The following NME4 variants were observed in gnomAD, a reference collection of about 807,000 sequenced individuals.
The protein encoded by NME4 is nucleoside diphosphate kinase D, mitochondrial.
Under a neutral mutation model 16.4 loss-of-function variants are expected in NME4, and 21 were observed. The observed-to-expected ratio is 1.28, with a 90% CI of 0.91 to 1.84. NME4 has a LOEUF of 1.84. Among genes scored for constraint, NME4 ranks in the 40% most tolerant of loss-of-function variants. NME4 has a pLI of 0.00. For missense variants in NME4, 316 were observed against 261.3 expected, an observed-to-expected ratio of 1.21 and a Z score of -1.44; for synonymous variants, 132 against 107.5, an observed-to-expected ratio of 1.23 and a Z score of -1.41.
chr16:397,860 A>T (rs2054580168), intron 1 of NME4: 2 of 1,552,466 alleles, frequency 1.3e-6, no homozygotes, highest in East Asian at 4.8e-5. Flanking sequence ...GCCACCTCAC[A>T]GGACGATCCA....
intron 1 of NME4, among the ~76,000 whole-genome samples, 183 bp downstream of exon 1, chr16:397,496 C>A (rs991480793): frequency 4.4e-5 from 6 of 137,208 alleles, no homozygotes; most frequent in African/African-American, 1.6e-4. Context: ...CTCCAGTGCC[C>A]GTCCGGCTCT....
At chr16:398,935 C>A (rs552397870) in intron 1 of NME4, 55 bp from the exon 2 acceptor site, 11 of 1,599,472 alleles carry the variant, frequency 6.9e-6, no homozygotes, top group South Asian at 1.1e-5. Flanking sequence ...AAACCCGGGT[C>A]GTGGGGACGT....
chr16:397,398 C>A, intron 1 of NME4, 85 bp downstream of exon 1: 1 of 501,050 alleles, frequency 2.0e-6, no homozygotes, highest in Non-Finnish European at 2.6e-6. Flanking sequence ...CACGTGCGGG[C>A]TGGGGTCCGA....
At position 398,307 on chromosome 16, in the gene NME4, C is replaced by G. The variant is rs191308543; in HGVS notation, c.92-683C>G. 8 of 1,340,284 alleles carry G rather than the reference C, an allele frequency of 6.0e-6. No homozygotes were observed. In the East Asian group the frequency reaches 3.3e-4, roughly 55 times the overall value. The allele number at this position is 1,340,284 out of a possible 1,614,324, so 83.0% of individuals were successfully genotyped here. On this transcript the variant is annotated intron_variant, in intron 1 of 4. Coordinates refer to ENST00000219479, the MANE Select transcript of NME4 (RefSeq NM_005009.3). ...CTCCACAGCAGCACAGGCCCCGTCT[C>G]CTGGCTCGGACAGAACCCTGCTACC...
chr16:400,407 C>G lies in NME4; in HGVS notation c.*65C>G. ...CCAACTACCTCCGTCAGCAAGAACC[C>G]AAGCCCACATCCAAACCTGCCTGTC... On this transcript the variant is annotated 3_prime_UTR_variant, in exon 5 of 5. Coordinates refer to ENST00000219479, the MANE Select transcript of NME4 (RefSeq NM_005009.3). The G allele has an allele frequency of 6.4e-7, 1 of 1,557,780 alleles. No homozygotes were observed. Among genetic ancestry groups the G allele is most frequent in the Non-Finnish European group, 8.6e-7 (1 of 1,162,734 alleles).
rs1484450237 is a variant in NME4, at chr16:397,946, C to A, written c.91+633C>A. ...TGCCCGCACCAGCCGCAGCAGAGCC[C>A]CAGGCTACACAAGGCGCCCTGCAAA... is the stretch of plus-strand genomic sequence containing the variant. On this transcript the variant is annotated intron_variant, in intron 1 of 4. Transcript: ENST00000219479. 3.2e-6 allele frequency: 5 copies of A among 1,548,704 alleles called. No individual in the cohort carries two copies. In the South Asian group the frequency reaches 4.7e-5, roughly 15 times the overall value.
At position 398,065 on chromosome 16, in the gene NME4, C is replaced by T. The variant is rs1450424738; in HGVS notation, c.91+752C>T. On this transcript the variant is annotated intron_variant, in intron 1 of 4. Transcript: ENST00000219479. Reference sequence around the variant, plus strand: ...AACTTTTCCTCCTGGCCTGGCGGAGCCCCTTTGGCTCTGTCCAGATTCTGT... The same window carrying T: ...AACTTTTCCTCCTGGCCTGGCGGAGTCCCTTTGGCTCTGTCCAGATTCTGT... 6 of 1,528,774 alleles carry T rather than the reference C, an allele frequency of 3.9e-6. No individual in the cohort carries two copies. In the Admixed American group the frequency reaches 1.2e-4, roughly 31 times the overall value. 94.7% of individuals were successfully genotyped at this position (1,528,774 alleles called of 1,614,324 possible).
rs1224516409 is a variant in NME4 at position 399,757 on chromosome 16, C to T, written c.440+18C>T. The T allele has an allele frequency of 2.5e-6, 4 of 1,593,304 alleles. No individual in the cohort carries two copies. Among genetic ancestry groups the T allele is most frequent in the African/African-American group, 2.7e-5 (2 of 74,442 alleles). ...ATCAGCAGGTACGGGGGTCCTGATACACCAGGCTGCTGCTGGGGGCAAGGA... is the reference window on the plus strand; with the variant it reads ...ATCAGCAGGTACGGGGGTCCTGATATACCAGGCTGCTGCTGGGGGCAAGGA... On this transcript the variant is annotated intron_variant, in intron 4 of 4. Transcript: ENST00000219479.
At chr16:398,633 T>G in intron 1 of NME4, 3 of 398,174 alleles carry the variant, frequency 7.5e-6, no homozygotes, top group Non-Finnish European at 4.6e-6. Flanking sequence ...TCCCTGGACC[T>G]TGAGGTGGTC....
At chr16:397,845 C>A in intron 1 of NME4, 2 of 1,545,840 alleles carry the variant, frequency 1.3e-6, no homozygotes, top group Non-Finnish European at 1.7e-6. Context: ...CCGGCCCCCC[C>A]AGCTGCCACC....
At chr16:398,842 T>C in intron 1 of NME4, 148 bp from the exon 2 acceptor site, 1 of 1,053,112 alleles carries the variant, frequency 9.5e-7, no homozygotes, top group Non-Finnish European at 1.4e-6. Context: ...TTTGTGGCTG[T>C]GGGCACCATC....
At chr16:398,058 G>A in intron 1 of NME4, 1 of 1,529,810 alleles carries the variant, frequency 6.5e-7, no homozygotes, top group Non-Finnish European at 8.8e-7. Flanking sequence ...CTCCTGGCCT[G>A]GCGGAGCCCC....
At chr16:398,899 C>T (rs2054601610) in intron 1 of NME4, 91 bp from the exon 2 acceptor site, 3 of 1,555,114 alleles carry the variant, frequency 1.9e-6, no homozygotes, top group Non-Finnish European at 2.6e-6. Flanking sequence ...ACCCTGAAGC[C>T]TGGTGACCCC....
At chr16:398,751 G>T (rs138615300) in intron 1 of NME4, 2 of 595,228 alleles carry the variant, frequency 3.4e-6, no homozygotes, top group South Asian at 2.1e-5. Flanking sequence ...CTGCTGGGAG[G>T]AGCCATGGCC....
At chr16:398,943 C>G (rs371649576) in intron 1 of NME4, 47 bp from the exon 2 acceptor site, 8 of 1,603,700 alleles carry the variant, frequency 5.0e-6, no homozygotes, top group Non-Finnish European at 5.1e-6. Context: ...GTCGTGGGGA[C>G]GTGAAAGGGT....
At chr16:398,550 A>T (rs1005972767) in intron 1 of NME4, 1 of 559,986 alleles carries the variant, frequency 1.8e-6, no homozygotes, top group African/African-American at 2.0e-5. Context: ...CAGGATCTCC[A>T]GACTTCCCTG....
At chr16:398,152 C>T in intron 1 of NME4, 11 of 1,527,628 alleles carry the variant, frequency 7.2e-6, no homozygotes, top group Non-Finnish European at 9.7e-6. Context: ...GGTAGCTTGG[C>T]TCTGGAGCAG....
chr16:399,976 G>C (rs567405990), intron 4 of NME4: 1 of 675,384 alleles, frequency 1.5e-6, no homozygotes, highest in South Asian at 1.8e-5. Flanking sequence ...CCAAGGGGTT[G>C]GCACGGGGCA....
chr16:398,253 C>G (rs1455304097), intron 1 of NME4: 3 of 1,407,338 alleles, frequency 2.1e-6, no homozygotes, highest in Non-Finnish European at 2.8e-6. Flanking sequence ...CAGCGCTGAC[C>G]CTGGGTCTGG....
Sources: allele counts gnomAD v4.1 joint callset (sites outside exome capture counted in the v4.1 genomes callset), GRCh38; gene constraint gnomAD v4.1.1; transcripts MANE v1.5; gene names NCBI Gene and HGNC (gene_info 2026-07-23, HGNC 2026-07-21).